Variants in CALCR observed in about 807,000 individuals in gnomAD.
CALCR encodes the protein calcitonin receptor.
A neutral mutation model predicts 59.5 loss-of-function variants in CALCR; 47 were observed. That is an observed-to-expected ratio of 0.79 (90% CI 0.63 to 1.01). The LOEUF (loss-of-function observed/expected upper bound fraction) is 1.01. Among genes scored for constraint, CALCR ranks in the 50% least tolerant of loss-of-function variants. CALCR has a pLI of 0.00. For missense variants in CALCR, 566 were observed against 597.1 expected (o/e 0.95, Z 0.54); for synonymous variants, 213 against 211.3 (o/e 1.01, Z -0.07).
chr7:93,426,660 G>A (rs1177878489), intron 13 of CALCR, 71 bp from the exon 14 acceptor site: 12 of 789,656 alleles, frequency 1.5e-5, no homozygotes. Context: ...TACGAACATC[G>A]TTCTTAGAGC....
chr7:93,518,374 T>G (rs1801689881), intron 2 of CALCR, among the ~76,000 whole-genome samples: 1 of 151,864 alleles, frequency 6.6e-6, no homozygotes. Context: ...ACAAATGACC[T>G]ATTCAAATAT....
At chr7:93,429,176 T>C (rs1177684400) in intron 13 of CALCR, among the ~76,000 whole-genome samples, 1 of 152,178 alleles carries the variant, frequency 6.6e-6, no homozygotes, top group Non-Finnish European at 1.5e-5. Flanking sequence ...ACTATTCATA[T>C]AATAACAGGC....
chr7:93,472,006 A>T (rs1800562564), intron 6 of CALCR, among the ~76,000 whole-genome samples: 1 of 151,752 alleles, frequency 6.6e-6, no homozygotes, highest in Non-Finnish European at 1.5e-5. Flanking sequence ...CTTGTGGAAA[A>T]ATCTGTAGTT....
In CALCR at chr7:93,496,113, G is replaced by A. The variant is rs1229031327; in HGVS notation, c.-26-9106C>T. ...TGTGGAAAGAGTACAAAATGTCAAT[G>A]TCTGAAAATAATGTGTCTATTCTTA... On this transcript the variant is annotated intron_variant, in intron 2 of 13. Transcript: ENST00000426151. The A allele has an allele frequency of 7.2e-6, 4 of 551,898 alleles. No individual in the cohort carries two copies. The East Asian group carries it at 1.3e-4, about 18-fold the overall frequency. The allele number at this position is 551,898 out of a possible 1,614,324, so 34.2% of individuals were successfully genotyped here. A position where few individuals can be genotyped will look rare whatever the true frequency, so the allele number is the denominator to read the frequency against.
At chr7:93,451,358 C>T (rs1218855127) in intron 8 of CALCR, among the ~76,000 whole-genome samples, 1 of 151,982 alleles carries the variant, frequency 6.6e-6, no homozygotes. Flanking sequence ...ATGCTCGCCA[C>T]TGAAGTCCTA....
intron 2 of CALCR, among the ~76,000 whole-genome samples, chr7:93,569,960 A>G (rs1448943488): frequency 6.6e-6 from 1 of 151,784 alleles, no homozygotes; most frequent in Admixed American, 6.6e-5. Flanking sequence ...ACACACACAC[A>G]CACACACACT....
chr7:93,442,520 C>A (rs538350644), intron 9 of CALCR, among the ~76,000 whole-genome samples: 2 of 152,260 alleles, frequency 1.3e-5, no homozygotes, highest in East Asian at 3.9e-4. Flanking sequence ...ACTTCCCAAG[C>A]ACATTTCTAT....
intron 13 of CALCR, among the ~76,000 whole-genome samples, chr7:93,432,934 C>T (rs1799688437): frequency 6.6e-6 from 1 of 152,148 alleles, no homozygotes; most frequent in African/African-American, 2.4e-5. Context: ...TATTGCCACT[C>T]TAACAGCGGG....
chr7:93,520,782 A>C (rs1801745847), intron 2 of CALCR, among the ~76,000 whole-genome samples: 1 of 152,112 alleles, frequency 6.6e-6, no homozygotes, highest in Non-Finnish European at 1.5e-5. Flanking sequence ...TTCCTACCTG[A>C]AAGTGGGGCC....
chr7:93,551,468 A>G (rs1286991549), intron 2 of CALCR, among the ~76,000 whole-genome samples: 1 of 152,224 alleles, frequency 6.6e-6, no homozygotes, highest in Non-Finnish European at 1.5e-5. Flanking sequence ...TAAATGTTCA[A>G]ACAACCATAA....
At chr7:93,508,713 C>G (rs1239224322) in intron 2 of CALCR, among the ~76,000 whole-genome samples, 1 of 152,030 alleles carries the variant, frequency 6.6e-6, no homozygotes, top group Non-Finnish European at 1.5e-5. Context: ...AGCTGTGTGC[C>G]AAGAGTGGTG....
chr7:93,548,077 A>G (rs1240777497), intron 2 of CALCR, among the ~76,000 whole-genome samples: 1 of 152,184 alleles, frequency 6.6e-6, no homozygotes, highest in Non-Finnish European at 1.5e-5. Flanking sequence ...TTGAGTGTCA[A>G]TTATCGAGTT....
At chr7:93,442,625 T>C (rs1054064681) in intron 9 of CALCR, among the ~76,000 whole-genome samples, 4 of 152,086 alleles carry the variant, frequency 2.6e-5, no homozygotes, top group African/African-American at 9.7e-5. Flanking sequence ...TCACTACACC[T>C]CTCCTCTCTT....
At chr7:93,495,409 G>A (rs1056380197) in intron 2 of CALCR, among the ~76,000 whole-genome samples, 1 of 151,356 alleles carries the variant, frequency 6.6e-6, no homozygotes, top group Non-Finnish European at 1.5e-5. Context: ...AATGTTGGTT[G>A]CTTGGTTTAA....
Position 93,492,869 on chromosome 7 carries a change from TAGTC to T in CALCR, c.-26-5866_-26-5863del, listed in dbSNP as rs963596871. On this transcript the variant is annotated intron_variant, in intron 2 of 13. Transcript: ENST00000426151. ...AGGGTTTTGAAAAGCAAAGACCTCT[TAGTC>T]AGAGAAAGCACATAAAAACAACATA... Among the ~76,000 whole-genome samples the T allele has an allele frequency of 2.0e-5, 3 of 151,326 alleles. No homozygotes were observed. The Admixed American group carries it at 2.0e-4, about 10-fold the overall frequency.
At chr7:93,536,727 A>T (rs1398443262) in intron 2 of CALCR, among the ~76,000 whole-genome samples, 2 of 151,520 alleles carry the variant, frequency 1.3e-5, no homozygotes, top group Admixed American at 6.6e-5. Flanking sequence ...TAACTTCTGA[A>T]TTTTTTTGTA....
At chr7:93,478,418 T>C (rs1380124396) in intron 4 of CALCR, among the ~76,000 whole-genome samples, 2 of 151,744 alleles carry the variant, frequency 1.3e-5, no homozygotes, top group African/African-American at 4.8e-5. Context: ...TACATGGTAG[T>C]AGGCCAGATG....
chr7:93,500,572 G>A (rs1055343841), intron 2 of CALCR, among the ~76,000 whole-genome samples: 2 of 151,854 alleles, frequency 1.3e-5, no homozygotes, highest in Admixed American at 1.3e-4. Context: ...GCTATGCATT[G>A]TACATACATT....
intron 7 of CALCR, 63 bp downstream of exon 7, chr7:93,468,652 T>C: frequency 8.5e-7 from 1 of 1,176,314 alleles, no homozygotes; most frequent in Non-Finnish European, 1.3e-6. Flanking sequence ...TCTTGCAGAA[T>C]TCACCATTCG....
Sources: allele counts gnomAD v4.1 joint callset (sites outside exome capture counted in the v4.1 genomes callset), GRCh38; gene constraint gnomAD v4.1.1; transcripts MANE v1.5; gene names NCBI Gene and HGNC (gene_info 2026-07-23, HGNC 2026-07-21).